Variants in SNTG1 observed in about 807,000 individuals in gnomAD.
The protein encoded by SNTG1 is syntrophin gamma 1.
In SNTG1, 39 loss-of-function variants were observed where a neutral mutation model predicts 74.7. The ratio of observed to expected loss-of-function variants is 0.52; its 90% CI spans 0.40 to 0.68. The LOEUF (loss-of-function observed/expected upper bound fraction) is 0.68, where lower values mean the gene tolerates loss of function less well. Ranked by LOEUF, SNTG1 falls within the 30% of genes least tolerant of loss-of-function variation. The pLI, the probability that SNTG1 is intolerant of heterozygous loss-of-function variation, is 0.00. For missense variants in SNTG1, 685 were observed against 609.5 expected (o/e 1.12, Z -1.30); for synonymous variants, 254 against 217.1 (o/e 1.17, Z -1.49).
chr8:50,696,517 C>T lies in SNTG1; in HGVS notation c.1039-8083C>T, dbSNP rs1585565177. 2.0e-5 allele frequency among the ~76,000 whole-genome samples: 3 copies of T among 151,946 alleles called. No homozygotes were observed. The South Asian group carries it at 6.2e-4, about 31-fold the overall frequency. On this transcript the variant is annotated intron_variant, in intron 15 of 18. Transcript: ENST00000642720. ...GAGGACTTGGTCATAAAATCTTTGC[C>T]TAGGCCAATGTCCAGAAGACATCCC...
chr8:50,004,706 T>C (rs1382833643), intron 1 of SNTG1, among the ~76,000 whole-genome samples: 2 of 152,248 alleles, frequency 1.3e-5, no homozygotes, highest in Non-Finnish European at 2.9e-5. Flanking sequence ...CGGAGATTTC[T>C]GGAGCCTTTA....
At chr8:50,542,408 C>T (rs572067076) in intron 11 of SNTG1, among the ~76,000 whole-genome samples, 40 of 152,078 alleles carry the variant, frequency 2.6e-4, no homozygotes, top group African/African-American at 6.5e-4. Context: ...CCACCCGCCT[C>T]GGCCTCCTAA....
At chr8:50,423,663 C>T (rs1438710281) in intron 4 of SNTG1, among the ~76,000 whole-genome samples, 1 of 152,110 alleles carries the variant, frequency 6.6e-6, no homozygotes, top group Admixed American at 6.6e-5. Context: ...AGAAGGGTAG[C>T]TTTCAAATAA....
At chr8:50,777,329 T>C (rs2095643809) in intron 18 of SNTG1, among the ~76,000 whole-genome samples, 1 of 149,930 alleles carries the variant, frequency 6.7e-6, no homozygotes, top group African/African-American at 2.4e-5. Flanking sequence ...ACTTTTATTC[T>C]AACTGGTTAA....
At chr8:50,608,907 C>T (rs963748788) in intron 13 of SNTG1, among the ~76,000 whole-genome samples, 1 of 151,856 alleles carries the variant, frequency 6.6e-6, no homozygotes, top group African/African-American at 2.4e-5. Flanking sequence ...ATCACATATG[C>T]ATCTTTAAGT....
chr8:49,968,075 T>C (rs1386854250), intron 1 of SNTG1, among the ~76,000 whole-genome samples: 1 of 150,406 alleles, frequency 6.6e-6, no homozygotes, highest in Non-Finnish European at 1.5e-5. Flanking sequence ...GAACAGTCTT[T>C]GTTTTTTTTT....
At chr8:50,378,945 G>A (rs2092435206) in intron 2 of SNTG1, among the ~76,000 whole-genome samples, 1 of 152,062 alleles carries the variant, frequency 6.6e-6, no homozygotes, top group South Asian at 2.1e-4. Context: ...CTGACAGCCT[G>A]TCCCCCAGCC....
intron 1 of SNTG1, among the ~76,000 whole-genome samples, chr8:49,969,188 A>G (rs1811413763): frequency 6.6e-6 from 1 of 152,034 alleles, no homozygotes; most frequent in Non-Finnish European, 1.5e-5. Flanking sequence ...AACGTGGTGA[A>G]TAATTTTTTA....
At chr8:50,691,003 C>T (rs531648207) in intron 15 of SNTG1, among the ~76,000 whole-genome samples, 34 of 152,202 alleles carry the variant, frequency 2.2e-4, no homozygotes, top group East Asian at 1.7e-3. Context: ...CATTATGTAA[C>T]GGCCTTCTTT....
intron 2 of SNTG1, among the ~76,000 whole-genome samples, chr8:50,187,739 G>A (rs1272296679): frequency 1.3e-5 from 2 of 152,134 alleles, no homozygotes; most frequent in East Asian, 1.9e-4. Context: ...ATATTTGAAA[G>A]GGCATTTTAT....
intron 1 of SNTG1, among the ~76,000 whole-genome samples, chr8:50,021,049 T>C (rs1816771307): frequency 6.6e-6 from 1 of 152,126 alleles, no homozygotes; most frequent in East Asian, 1.9e-4. Flanking sequence ...ATATCTTTGG[T>C]TGGGCAGAGG....
chr8:50,411,931 C>G (rs1180236336), intron 4 of SNTG1, among the ~76,000 whole-genome samples: 2 of 152,102 alleles, frequency 1.3e-5, no homozygotes, highest in Non-Finnish European at 2.9e-5. Flanking sequence ...GGGCAGCAGT[C>G]CCCAGGGACT....
chr8:50,155,878 T>A (rs948507423), intron 1 of SNTG1, among the ~76,000 whole-genome samples: 3 of 151,836 alleles, frequency 2.0e-5, no homozygotes, highest in African/African-American at 7.2e-5. Context: ...ATAAAACAAA[T>A]ACATCTCTAG....
At chr8:50,656,320 A>G (rs1039353121) in intron 13 of SNTG1, among the ~76,000 whole-genome samples, 2 of 152,208 alleles carry the variant, frequency 1.3e-5, no homozygotes, top group Non-Finnish European at 2.9e-5. Context: ...ATTAAGCACT[A>G]GAGGCTAAAG....
chr8:50,105,336 G>T (rs868718125), intron 1 of SNTG1, among the ~76,000 whole-genome samples: 2 of 152,074 alleles, frequency 1.3e-5, no homozygotes, highest in Non-Finnish European at 2.9e-5. Flanking sequence ...TCAGATGGTT[G>T]TAGGTGTGTA....
At chr8:50,045,899 G>A (rs1406412431) in intron 1 of SNTG1, among the ~76,000 whole-genome samples, 1 of 152,140 alleles carries the variant, frequency 6.6e-6, no homozygotes, top group African/African-American at 2.4e-5. Context: ...AAAGCTCTAA[G>A]AACTTCCTAG....
chr8:50,662,124 A>G lies in SNTG1; in HGVS notation c.1038+3461A>G, dbSNP rs368614385. Among the ~76,000 whole-genome samples the G allele has an allele frequency of 1.3e-5, 2 of 152,274 alleles. 1 individual carries two copies. Among genetic ancestry groups the G allele is most frequent in the African/African-American group, 4.8e-5 (2 of 41,570 alleles). On this transcript the variant is annotated intron_variant, in intron 15 of 18. Coordinates refer to ENST00000642720, the MANE Select transcript of SNTG1 (RefSeq NM_018967.5). Reference sequence around the variant, plus strand: ...AGAAGGGGCATCTTCTACAGCCTAAATCAGAGGGGGAGTCTTCTACAGCCC... The same window carrying G: ...AGAAGGGGCATCTTCTACAGCCTAAGTCAGAGGGGGAGTCTTCTACAGCCC...
At chr8:50,394,811 G>T (rs1272025489) in intron 3 of SNTG1, among the ~76,000 whole-genome samples, 1 of 150,392 alleles carries the variant, frequency 6.6e-6, no homozygotes, top group East Asian at 2.0e-4. Context: ...GGCCCCCAGG[G>T]AATACAACCA....
At chr8:50,401,350 A>G (rs2092803191) in intron 3 of SNTG1, among the ~76,000 whole-genome samples, 1 of 152,232 alleles carries the variant, frequency 6.6e-6, no homozygotes, top group African/African-American at 2.4e-5. Context: ...CCAGGTTAAT[A>G]TATGTATTCT....
Sources: allele counts gnomAD v4.1 joint callset (sites outside exome capture counted in the v4.1 genomes callset), GRCh38; gene constraint gnomAD v4.1.1; transcripts MANE v1.5; gene names NCBI Gene and HGNC (gene_info 2026-07-23, HGNC 2026-07-21).